The following GTSE1 variants were observed in gnomAD, a reference collection of about 807,000 sequenced individuals.
The protein encoded by GTSE1 is G2 and S phase-expressed protein 1.
Under a neutral mutation model 60.5 loss-of-function variants are expected in GTSE1, and 52 were observed. That is an observed-to-expected ratio of 0.86 (90% CI 0.69 to 1.08). The LOEUF is 1.08. Ranked by LOEUF, GTSE1 falls within the 50% of genes least tolerant of loss-of-function variation. GTSE1 has a pLI of 0.00. For missense variants in GTSE1, 937 were observed against 961.8 expected, an observed-to-expected ratio of 0.97 and a Z score of 0.34; for synonymous variants, 368 against 386.5, an observed-to-expected ratio of 0.95 and a Z score of 0.56.
chr22:46,324,925 TG>T lies in GTSE1; in HGVS notation c.1506-1509del, dbSNP rs1216936873. Among the ~76,000 whole-genome samples, 14 of 152,232 alleles carry T rather than the reference TG, an allele frequency of 9.2e-5. No homozygotes were observed. Among genetic ancestry groups the T allele is most frequent in the African/African-American group, 3.4e-4 (14 of 41,462 alleles). ...GAATAGAGCAATAGACAGGTCTCCC[TG>T]GCCTCCCGAGGGGCCATGGTGGTGG... On this transcript the variant is annotated intron_variant, in intron 8 of 11. Transcript: ENST00000454366. This position sits in a 1 kb window ranked among gnomAD's most constrained non-coding sequence, Gnocchi z 5.2.
In GTSE1 at chr22:46,323,214, C is replaced by A. The variant is rs998408187; in HGVS notation, c.1457C>A (p.Pro486Gln). 1 of 1,614,042 alleles carries A rather than the reference C, an allele frequency of 6.2e-7. No homozygotes were observed. ...SIGDSPDSST[P>Q]KLSRAQRPQS... ...GGTGACTCCCCGGACAGCTCAACAC[C>A]AAAGCTTTCGCGGGCACAGCGGCCG... Residue 486 changes from proline (P) to glutamine (Q), a missense_variant, in exon 8 of 12, where the codon CCA (proline) becomes CAA (glutamine). Physicochemically the swap from Pro to Gln is moderately conservative, Grantham distance 76 (BLOSUM62 -1). Coordinates refer to ENST00000454366, the MANE Select transcript of GTSE1 (RefSeq NM_016426.7).
rs1601908842 is a variant in GTSE1, at chr22:46,314,098, A to G, written c.1051+85A>G. 3 of 1,534,548 alleles carry G rather than the reference A, an allele frequency of 2.0e-6. No homozygotes were observed. The East Asian group carries it at 6.8e-5, about 35-fold the overall frequency. On this transcript the variant is annotated intron_variant, in intron 6 of 11. Transcript: ENST00000454366. The surrounding 1 kb of genome is among the most constrained non-coding windows in gnomAD (Gnocchi z 7.1). ...CTCAGGCCTTGGAGACTGTTTCTGC[A>G]GAACCACTTAGGCTTGGCAGGACGT...
intron 2 of GTSE1, among the ~76,000 whole-genome samples, chr22:46,301,632 C>T (rs1289498124): frequency 4.0e-5 from 6 of 151,850 alleles, no homozygotes; most frequent in African/African-American, 7.3e-5. Flanking sequence ...GGATTACAGG[C>T]ACCTGCCACC....
chr22:46,308,719 G>T lies in GTSE1; in HGVS notation c.538G>T (p.Glu180Ter). 6.2e-7 allele frequency: 1 copy of T among 1,613,658 alleles called. No individual in the cohort carries two copies. The highest frequency in any genetic ancestry group is 8.5e-7 in the Non-Finnish European group (1 of 1,180,050). Residue 180 changes from glutamate (E) to a stop codon, truncating the protein, a stop_gained, in exon 4 of 12, where the codon GAG (glutamate) becomes TAG (stop). Transcript: ENST00000454366. LOFTEE classifies it high-confidence loss of function. ...CCCCTTGCTGGGGCCCCCTGTGGGTGAGCCTCGGCTCTTGGCCTCCTCCCC... is the reference window on the plus strand; with the variant it reads ...CCCCTTGCTGGGGCCCCCTGTGGGTTAGCCTCGGCTCTTGGCCTCCTCCCC... ...DSPLLGPPVG[E>*]PRLLASSPAL...
In GTSE1 at chr22:46,316,297, A is replaced by G. The variant is rs559534421; in HGVS notation, c.1317A>G (p.Glu439=). The G allele has an allele frequency of 6.2e-7, 1 of 1,614,160 alleles. No homozygotes were observed. The highest frequency in any genetic ancestry group is 8.5e-7 in the Non-Finnish European group (1 of 1,180,034). ...QWLNSSCAWS[E]SSQLNKTRSI... is the part of the protein sequence containing the mutation. ...TGAACTCCAGTTGCGCTTGGTCAGA[A>G]TCTTCTCAATTGAATAAGACTAGAA... is the stretch of plus-strand genomic sequence containing the variant. The change falls in exon 7 of 12, where the codon GAA becomes GAG. Residue 439 remains glutamate (E), a synonymous_variant. Transcript: ENST00000454366. This position sits in a 1 kb window ranked among gnomAD's most constrained non-coding sequence, Gnocchi z 5.0.
rs371660161 is a variant in GTSE1, at chr22:46,308,702, T to C, written c.521T>C (p.Leu174Pro). Residue 174 changes from leucine to proline, a missense_variant, in exon 4 of 12, where the codon CTG (leucine) becomes CCG (proline). Leu to Pro is a moderately conservative substitution (Grantham distance 98). Coordinates refer to ENST00000454366, the MANE Select transcript of GTSE1 (RefSeq NM_016426.7). ...TACTACCTGTCAGACAGCCCCTTGC[T>C]GGGGCCCCCTGTGGGTGAGCCTCGG... ...ETYYLSDSPL[L>P]GPPVGEPRLL... The C allele has an allele frequency of 2.5e-6, 4 of 1,613,664 alleles. No homozygotes were observed. The highest frequency in any genetic ancestry group is 2.7e-5 in the African/African-American group (2 of 74,958).
Position 46,297,363 on chromosome 22 carries a change from C to T in GTSE1, c.-21-17C>T, listed in dbSNP as rs368409357. On this transcript the variant is annotated splice_polypyrimidine_tract_variant and intron_variant, in intron 1 of 11. Coordinates refer to ENST00000454366, the MANE Select transcript of GTSE1 (RefSeq NM_016426.7). The surrounding 1 kb of genome is among the most constrained non-coding windows in gnomAD (Gnocchi z 4.9). ...CCCTGACACGTACTCACTTTCTGGCCCCGTTCCACCCTGCAGTGACTTCTG... is the reference window on the plus strand; with the variant it reads ...CCCTGACACGTACTCACTTTCTGGCTCCGTTCCACCCTGCAGTGACTTCTG... 6.1e-4 allele frequency: 888 copies of T among 1,451,456 alleles called. 2 individuals carry two copies. Among genetic ancestry groups the T allele is most frequent in the Middle Eastern group, 8.7e-4 (5 of 5,758 alleles). The allele number at this position is 1,451,456 out of a possible 1,614,324, so 89.9% of individuals were successfully genotyped here.
Position 46,316,255 on chromosome 22 carries a change from A to T in GTSE1, c.1275A>T (p.Glu425Asp). The change falls in exon 7 of 12, where the codon GAA (glutamate) becomes GAT (aspartate). Residue 425 changes from glutamate to aspartate, a missense_variant. Coordinates refer to ENST00000454366, the MANE Select transcript of GTSE1 (RefSeq NM_016426.7). This position sits in a 1 kb window ranked among gnomAD's most constrained non-coding sequence, Gnocchi z 5.0. ...SASPTQPQTPEGGGQWLNSSC... is the reference protein window; with the variant it reads ...SASPTQPQTPDGGGQWLNSSC... ...CCCCCACCCAACCCCAGACTCCGGA[A>T]GGTGGCGGCCAGTGGCTGAACTCCA... 5 of 1,613,906 alleles carry T rather than the reference A, an allele frequency of 3.1e-6. No homozygotes were observed.
At position 46,316,385 on chromosome 22, in the gene GTSE1, C is replaced by T; in HGVS notation, c.1405C>T (p.Gln469Ter). The change falls in exon 7 of 12, where the codon CAA becomes TAA. Residue 469 changes from glutamine (Q) to a stop codon, truncating the protein, a stop_gained. Coordinates refer to ENST00000454366, the MANE Select transcript of GTSE1 (RefSeq NM_016426.7). LOFTEE classifies it high-confidence loss of function. This position sits in a 1 kb window ranked among gnomAD's most constrained non-coding sequence, Gnocchi z 5.0. The part of the protein sequence containing the change: ...KTKVMPTPTN[Q>*]FKIPKFSIGD... ...AAAGGTTATGCCTACTCCTACAAAT[C>T]AATTTAAAATTCCTAAGTTTTCTAT... The T allele has an allele frequency of 6.3e-7, 1 of 1,583,820 alleles. No homozygotes were observed. Among genetic ancestry groups the T allele is most frequent in the Non-Finnish European group, 8.6e-7 (1 of 1,158,220 alleles).
At position 46,326,655 on chromosome 22, in the gene GTSE1, G is replaced by T. The variant is rs1434944595; in HGVS notation, c.1724+1G>T. The T allele has an allele frequency of 1.3e-6, 2 of 1,592,690 alleles. No individual in the cohort carries two copies. Among genetic ancestry groups the T allele is most frequent in the Non-Finnish European group, 8.6e-7 (1 of 1,165,554 alleles). The stretch of plus-strand genomic sequence containing the variant: ...AGCCCCGCAAGAACTCTGCAATGAG[G>T]TAAGACACGAAGGTGGTAATAAATT... On this transcript the variant is annotated splice_donor_variant, in intron 9 of 11. Transcript: ENST00000454366. LOFTEE classifies it high-confidence loss of function.
chr22:46,299,684 T>G (rs889344925), intron 2 of GTSE1, among the ~76,000 whole-genome samples: 1 of 152,232 alleles, frequency 6.6e-6, no homozygotes, highest in African/African-American at 2.4e-5. Context: ...ATATGTGCAT[T>G]TGTAATGTCA....
At chr22:46,300,432 A>G (rs115122579) in intron 2 of GTSE1, among the ~76,000 whole-genome samples, 1 of 152,216 alleles carries the variant, frequency 6.6e-6, no homozygotes, top group African/African-American at 2.4e-5. Flanking sequence ...ATAGTTTCCT[A>G]TCCCACTTTG....
Position 46,312,274 on chromosome 22 carries a change from A to G in GTSE1, c.896A>G (p.Gln299Arg), listed in dbSNP as rs777237468. 193 of 1,613,688 alleles carry G rather than the reference A, an allele frequency of 1.2e-4. No individual in the cohort carries two copies. Among genetic ancestry groups the G allele is most frequent in the Non-Finnish European group, 1.6e-4 (191 of 1,179,892 alleles). ...NVPAAGSHLG[Q>R]GKRAIPVPNK... ...CCGGCCGCCGGAAGCCACTTGGGCC[A>G]GGGCAAGCGGGCGATCCCTGTTCCA... The change falls in exon 5 of 12, where the codon CAG becomes CGG. Residue 299 changes from glutamine to arginine, a missense_variant. Physicochemically the swap from Gln to Arg is conservative, Grantham distance 43 (BLOSUM62 1). Transcript: ENST00000454366.
chr22:46,298,724 C>T (rs2077672289), intron 2 of GTSE1, among the ~76,000 whole-genome samples: 1 of 152,210 alleles, frequency 6.6e-6, no homozygotes, highest in African/African-American at 2.4e-5. Context: ...TCCTTCCTGT[C>T]ATGTCCTTCC....
chr22:46,328,865 G>A lies in GTSE1; in HGVS notation c.1902G>A (p.Pro634=), dbSNP rs75159461. 18 of 1,613,658 alleles carry A rather than the reference G, an allele frequency of 1.1e-5. No homozygotes were observed. The highest frequency in any genetic ancestry group is 4.0e-5 in the African/African-American group (3 of 75,044). Residue 634 remains proline (P), a synonymous_variant, in exon 10 of 12, where the codon CCG becomes CCA. Coordinates refer to ENST00000454366, the MANE Select transcript of GTSE1 (RefSeq NM_016426.7). ...AAGTAGCTCGGGAGGAAGCCAAGCC[G>A]GGTGGAGATGCAGCCCCTAGTGAGG... ...ATEVAREEAK[P]GGDAAPSEAL...
In GTSE1 at chr22:46,309,439, G is replaced by A. The variant is rs2077736084; in HGVS notation, c.762+496G>A. On this transcript the variant is annotated intron_variant, in intron 4 of 11. Transcript: ENST00000454366. The surrounding 1 kb of genome is among the most constrained non-coding windows in gnomAD (Gnocchi z 6.2). ...AGGTCTGGGGGAAAGCTGGGTGTGAGCACAGGACTTGCTGCCAGGGCTGCC... is the reference window on the plus strand; with the variant it reads ...AGGTCTGGGGGAAAGCTGGGTGTGAACACAGGACTTGCTGCCAGGGCTGCC... Among the ~76,000 whole-genome samples the A allele has an allele frequency of 6.6e-6, 1 of 152,130 alleles. No individual in the cohort carries two copies. Among genetic ancestry groups the A allele is most frequent in the Non-Finnish European group, 1.5e-5 (1 of 68,018 alleles).
chr22:46,329,011 T>G lies in GTSE1; in HGVS notation c.1926+122T>G, dbSNP rs916900338. On this transcript the variant is annotated intron_variant, in intron 10 of 11. Transcript: ENST00000454366. The surrounding 1 kb of genome is among the most constrained non-coding windows in gnomAD (Gnocchi z 6.4). ...CTGCCATGCTTCATCCTGGGGCCAG[T>G]GCCTCCGTGCCAAGCAACCCAAAGG... 6 of 777,892 alleles carry G rather than the reference T, an allele frequency of 7.7e-6. No individual in the cohort carries two copies. Among genetic ancestry groups the G allele is most frequent in the Non-Finnish European group, 1.3e-5 (6 of 476,300 alleles). The allele number at this position is 777,892 out of a possible 1,614,324, so 48.2% of individuals were successfully genotyped here. A position where few individuals can be genotyped will look rare whatever the true frequency, so the allele number is the denominator to read the frequency against.
chr22:46,329,627 G>A lies in GTSE1; in HGVS notation c.2136+60G>A, dbSNP rs921160109. On this transcript the variant is annotated intron_variant, in intron 11 of 11. Coordinates refer to ENST00000454366, the MANE Select transcript of GTSE1 (RefSeq NM_016426.7). This position sits in a 1 kb window ranked among gnomAD's most constrained non-coding sequence, Gnocchi z 6.4. ...CCTGGGTGTCCTCAGTTCTGGGATT[G>A]TTCATCCTCCCAGGGCCATCGTGGG... The A allele has an allele frequency of 7.3e-5, 100 of 1,363,956 alleles. 1 individual carries two copies. The East Asian group carries it at 2.3e-3, about 31-fold the overall frequency. 84.5% of individuals were successfully genotyped at this position (1,363,956 alleles called of 1,614,324 possible).
At chr22:46,307,214 C>A (rs1246599312) in intron 2 of GTSE1, among the ~76,000 whole-genome samples, 1 of 152,192 alleles carries the variant, frequency 6.6e-6, no homozygotes, top group Non-Finnish European at 1.5e-5. Flanking sequence ...TCAGGAAGGA[C>A]TCCAAGAAGC....
Sources: allele counts gnomAD v4.1 joint callset (sites outside exome capture counted in the v4.1 genomes callset), GRCh38; gene constraint gnomAD v4.1.1; non-coding constraint Gnocchi (gnomAD v3.1); transcripts MANE v1.5; gene names NCBI Gene and HGNC (gene_info 2026-07-23, HGNC 2026-07-21).